DPP10: variants seen among roughly 807,000 people sequenced by gnomAD.
The protein encoded by DPP10 is dipeptidyl peptidase like 10.
DPP10 carries 33 observed loss-of-function variants against 120.9 expected under a neutral mutation model. The ratio of observed to expected loss-of-function variants is 0.27; its 90% confidence interval spans 0.21 to 0.37. The LOEUF (loss-of-function observed/expected upper bound fraction) is 0.37, where lower values mean the gene tolerates loss of function less well. Among genes scored for constraint, DPP10 ranks in the 10% least tolerant of loss-of-function variants. DPP10 has a pLI of 1.00. For missense variants in DPP10, 816 were observed against 942.8 expected, an observed-to-expected ratio of 0.87 and a Z score of 1.76; for synonymous variants, 337 against 326.1, an observed-to-expected ratio of 1.03 and a Z score of -0.36.
chr2:114,720,854 C>G (rs1196774292), intron 1 of DPP10, among the ~76,000 whole-genome samples: 6 of 152,126 alleles, frequency 3.9e-5, no homozygotes, highest in Non-Finnish European at 5.9e-5. Flanking sequence ...GCCTGGCAAC[C>G]CATTCACATT....
At chr2:115,380,575 G>C (rs2066241872) in intron 3 of DPP10, among the ~76,000 whole-genome samples, 1 of 151,734 alleles carries the variant, frequency 6.6e-6, no homozygotes, top group Admixed American at 6.6e-5. Flanking sequence ...ATTGTTATGT[G>C]TGAATTTGAT....
At chr2:114,895,727 C>G (rs1001489988) in intron 1 of DPP10, among the ~76,000 whole-genome samples, 1 of 152,182 alleles carries the variant, frequency 6.6e-6, no homozygotes, top group African/African-American at 2.4e-5. Context: ...CCTACTATAA[C>G]TGACAGAGTA....
At chr2:115,381,557 A>C (rs1019080987) in intron 3 of DPP10, among the ~76,000 whole-genome samples, 1 of 152,188 alleles carries the variant, frequency 6.6e-6, no homozygotes, top group Non-Finnish European at 1.5e-5. Flanking sequence ...TCAGCTTGTC[A>C]AAGTCATTCT....
chr2:114,788,450 T>G (rs1194949398), intron 1 of DPP10, among the ~76,000 whole-genome samples: 1 of 148,526 alleles, frequency 6.7e-6, no homozygotes, highest in East Asian at 2.0e-4. Flanking sequence ...GGAGTCTCAC[T>G]CTGTCACCAG....
intron 1 of DPP10, among the ~76,000 whole-genome samples, chr2:115,266,866 G>T (rs1335051906): frequency 3.9e-5 from 6 of 152,156 alleles, no homozygotes; most frequent in Non-Finnish European, 2.9e-5. Context: ...TTTGCAGAGG[G>T]TATAAGCAAA....
At chr2:115,694,661 G>GT (rs1273010422) in intron 7 of DPP10, among the ~76,000 whole-genome samples, 1 of 152,134 alleles carries the variant, frequency 6.6e-6, no homozygotes, top group Non-Finnish European at 1.5e-5. Flanking sequence ...CCAGGAATCT[G>GT]TTTTTCCATT....
At chr2:115,297,468 T>G (rs1394405290) in intron 1 of DPP10, among the ~76,000 whole-genome samples, 1 of 152,034 alleles carries the variant, frequency 6.6e-6, no homozygotes, top group East Asian at 1.9e-4. Flanking sequence ...AGAATCAATA[T>G]TTGACATTCT....
chr2:114,524,634 G>A (rs765107088), intron 1 of DPP10, among the ~76,000 whole-genome samples: 1 of 152,208 alleles, frequency 6.6e-6, no homozygotes, highest in Non-Finnish European at 1.5e-5. Context: ...TGAATATCTA[G>A]TGAGAAGAAA....
intron 1 of DPP10, among the ~76,000 whole-genome samples, chr2:115,138,482 GTTC>G (rs2050760207): frequency 6.6e-6 from 1 of 152,106 alleles, no homozygotes; most frequent in Non-Finnish European, 1.5e-5. Context: ...GATAAGAATA[GTTC>G]TTTTTTCTTT....
chr2:115,063,131 C>A (rs952048284), intron 1 of DPP10, among the ~76,000 whole-genome samples: 3 of 152,276 alleles, frequency 2.0e-5, no homozygotes, highest in Admixed American at 6.5e-5. Flanking sequence ...TTGCATTTCT[C>A]TAATGATCAA....
intron 1 of DPP10, among the ~76,000 whole-genome samples, chr2:114,813,941 AACACACACACACACACACACAC>A (rs375858356): frequency 3.6e-5 from 5 of 139,402 alleles, no homozygotes; most frequent in African/African-American, 7.9e-5. Context: ...GGCACGCATG[AACACACACACACACACACACAC>A]ACACACACAC....
chr2:115,222,707 G>T lies in DPP10; in HGVS notation c.61-86532G>T, dbSNP rs1050503463. ...AGAAGACATTCAAAAGCATTTTAGT[G>T]CATCTTCATCTCATGAACAGCATTA... On this transcript the variant is annotated intron_variant, in intron 1 of 25. Transcript: ENST00000410059. Among the ~76,000 whole-genome samples the T allele has an allele frequency of 1.4e-4, 22 of 151,864 alleles. 1 individual carries two copies. The highest frequency in any genetic ancestry group is 1.4e-3 in the Admixed American group (22 of 15,216).
chr2:114,958,461 A>G (rs1360804334), intron 1 of DPP10, among the ~76,000 whole-genome samples: 2 of 152,196 alleles, frequency 1.3e-5, no homozygotes, highest in Non-Finnish European at 2.9e-5. Context: ...TTAGTGATCT[A>G]CTGCACAGAA....
chr2:115,793,794 G>A (rs1355210948), intron 19 of DPP10, among the ~76,000 whole-genome samples: 1 of 151,542 alleles, frequency 6.6e-6, no homozygotes, highest in Non-Finnish European at 1.5e-5. Context: ...CACACTTTTG[G>A]GTTTTAGAGG....
intron 3 of DPP10, among the ~76,000 whole-genome samples, chr2:115,479,336 T>A (rs921362944): frequency 2.0e-5 from 3 of 152,126 alleles, no homozygotes; most frequent in Admixed American, 2.0e-4. Context: ...TATGACTTTA[T>A]TTATATGAGG....
intron 1 of DPP10, among the ~76,000 whole-genome samples, chr2:114,675,530 TGTAA>T (rs756910367): frequency 3.5e-4 from 53 of 152,256 alleles, no homozygotes; most frequent in Non-Finnish European, 6.3e-4. Context: ...TCCAAACACA[TGTAA>T]GTGTTTACAT....
At chr2:115,184,581 A>AGCAG (rs1309842973) in intron 1 of DPP10, among the ~76,000 whole-genome samples, 1 of 152,222 alleles carries the variant, frequency 6.6e-6, no homozygotes, top group Non-Finnish European at 1.5e-5. Context: ...GGAGAGCTGC[A>AGCAG]GCAGGCAAAG....
rs180708931 is a variant in DPP10, at chr2:115,369,086, T to C, written c.271+25174T>C. 9.9e-5 allele frequency among the ~76,000 whole-genome samples: 15 copies of C among 152,152 alleles called. No individual in the cohort carries two copies. In the East Asian group the frequency reaches 2.5e-3, roughly 25 times the overall value. ...TTTCATTGAAATGATTTCCTGAGAA[T>C]TGATTGCATGCCGGATGCTAATCTT... On this transcript the variant is annotated intron_variant, in intron 3 of 25. Coordinates refer to ENST00000410059, the MANE Select transcript of DPP10 (RefSeq NM_020868.6).
At chr2:115,462,678 T>A (rs941766346) in intron 3 of DPP10, among the ~76,000 whole-genome samples, 1 of 152,184 alleles carries the variant, frequency 6.6e-6, no homozygotes, top group Non-Finnish European at 1.5e-5. Context: ...TATTTGCTAA[T>A]GTATATTTAT....
Sources: gnomAD v4.1 joint callset for allele counts (sites outside exome capture counted in the v4.1 genomes callset) on GRCh38, gnomAD v4.1.1 for gene constraint, MANE v1.5 for transcripts, NCBI Gene and HGNC (gene_info 2026-07-23, HGNC 2026-07-21) for gene names.